The following RBMS3 variants were observed in gnomAD, a reference collection of about 807,000 sequenced individuals.
RBMS3 encodes RNA binding motif single stranded interacting protein 3, also known as RNA-binding motif, single-stranded-interacting protein 3.
A neutral mutation model predicts 66.8 loss-of-function variants in RBMS3; 27 were observed. The observed-to-expected ratio is 0.40, with a 90% CI of 0.30 to 0.56. The LOEUF (loss-of-function observed/expected upper bound fraction) is 0.56, where lower values mean the gene tolerates loss of function less well. Ranked by LOEUF, RBMS3 falls within the 20% of genes least tolerant of loss-of-function variation. The pLI, the probability that RBMS3 is intolerant of heterozygous loss-of-function variation, is 0.40. For synonymous variants in RBMS3, 188 were observed against 183.0 expected, an observed-to-expected ratio of 1.03 and a Z score of -0.22; for missense variants, 513 against 549.5, an observed-to-expected ratio of 0.93 and a Z score of 0.66.
intron 4 of RBMS3, among the ~76,000 whole-genome samples, chr3:29,738,205 T>C (rs2054466446): frequency 6.6e-6 from 1 of 152,174 alleles, no homozygotes; most frequent in African/African-American, 2.4e-5. Flanking sequence ...TTGTTTATTG[T>C]TTTTAAAACC....
At chr3:29,808,062 G>A (rs1041239621) in intron 6 of RBMS3, among the ~76,000 whole-genome samples, 2 of 151,860 alleles carry the variant, frequency 1.3e-5, no homozygotes, top group Non-Finnish European at 2.9e-5. Flanking sequence ...CAGGTTTACT[G>A]TAGTAATCCA....
intron 14 of RBMS3, among the ~76,000 whole-genome samples, chr3:29,997,053 C>G (rs1309313335): frequency 6.6e-6 from 1 of 151,498 alleles, no homozygotes; most frequent in Non-Finnish European, 1.5e-5. Flanking sequence ...AGAGAAGAAT[C>G]AAATAGACGC....
intron 10 of RBMS3, among the ~76,000 whole-genome samples, chr3:29,905,533 T>A (rs975823057): frequency 3.9e-5 from 6 of 152,088 alleles, no homozygotes; most frequent in Admixed American, 6.6e-5. Flanking sequence ...TTTATGCCAA[T>A]ATTTATCACA....
At chr3:29,550,236 T>C (rs1409041430) in intron 3 of RBMS3, among the ~76,000 whole-genome samples, 1 of 152,234 alleles carries the variant, frequency 6.6e-6, no homozygotes, top group Admixed American at 6.5e-5. Flanking sequence ...CAACACAAAG[T>C]TGTATCAGCA....
chr3:29,522,522 G>A (rs2044900505), intron 3 of RBMS3, among the ~76,000 whole-genome samples: 1 of 152,074 alleles, frequency 6.6e-6, no homozygotes, highest in East Asian at 1.9e-4. Flanking sequence ...GATAGTGGAA[G>A]GAAGTGGGGT....
At chr3:29,542,014 T>A (rs1021484202) in intron 3 of RBMS3, among the ~76,000 whole-genome samples, 1 of 152,128 alleles carries the variant, frequency 6.6e-6, no homozygotes, top group African/African-American at 2.4e-5. Flanking sequence ...CCCTTGAAAA[T>A]TATCACAAAT....
At chr3:29,690,832 G>A (rs1057277324) in intron 4 of RBMS3, among the ~76,000 whole-genome samples, 5 of 152,104 alleles carry the variant, frequency 3.3e-5, no homozygotes, top group African/African-American at 9.7e-5. Flanking sequence ...TTGGACTAGT[G>A]TTAATTTATC....
chr3:29,841,201 A>G (rs2058655730), intron 6 of RBMS3, among the ~76,000 whole-genome samples: 1 of 151,568 alleles, frequency 6.6e-6, no homozygotes, highest in Non-Finnish European at 1.5e-5. Context: ...ATTTTTATGT[A>G]TTGACCTGTT....
chr3:29,975,673 T>C (rs985461664), intron 12 of RBMS3, among the ~76,000 whole-genome samples: 1 of 151,992 alleles, frequency 6.6e-6, no homozygotes, highest in Non-Finnish European at 1.5e-5. Context: ...CTCTCTATTC[T>C]GTTCCATTAG....
intron 12 of RBMS3, among the ~76,000 whole-genome samples, chr3:29,984,938 A>G (rs192330758): frequency 1.4e-3 from 208 of 152,294 alleles, no homozygotes; most frequent in Non-Finnish European, 2.4e-3. Context: ...GTGCTGGAAG[A>G]TCTGCTGCTC....
At chr3:29,912,834 T>C (rs1412537095) in intron 10 of RBMS3, among the ~76,000 whole-genome samples, 3 of 152,032 alleles carry the variant, frequency 2.0e-5, no homozygotes, top group Non-Finnish European at 2.9e-5. Context: ...GTTATTAAAT[T>C]TATACCATCT....
At chr3:29,354,360 G>A (rs1252514118) in intron 1 of RBMS3, among the ~76,000 whole-genome samples, 1 of 152,040 alleles carries the variant, frequency 6.6e-6, no homozygotes, top group African/African-American at 2.4e-5. Context: ...CATTTATGAT[G>A]CAAAAATTAA....
At chr3:29,647,880 C>T (rs960809816) in intron 4 of RBMS3, among the ~76,000 whole-genome samples, 5 of 152,076 alleles carry the variant, frequency 3.3e-5, no homozygotes, top group Admixed American at 1.3e-4. Flanking sequence ...TGTCCAATCT[C>T]AATTATAAAG....
intron 6 of RBMS3, among the ~76,000 whole-genome samples, chr3:29,843,786 T>G (rs747751157): frequency 6.6e-6 from 1 of 152,018 alleles, no homozygotes; most frequent in Non-Finnish European, 1.5e-5. Flanking sequence ...CCATCTCTAC[T>G]AAAAATACAA....
chr3:29,294,867 T>A (rs1015620191), intron 1 of RBMS3, among the ~76,000 whole-genome samples: 1 of 151,700 alleles, frequency 6.6e-6, no homozygotes, highest in Non-Finnish European at 1.5e-5. Context: ...AGTCCAGGAG[T>A]AACCAGCCAT....
At position 29,833,709 on chromosome 3, in the gene RBMS3, C is replaced by T. The variant is rs144037830; in HGVS notation, c.638-35149C>T. 7.4e-3 allele frequency among the ~76,000 whole-genome samples: 1,121 copies of T among 152,010 alleles called. 8 individuals are homozygous for T. The highest frequency in any genetic ancestry group is 0.035 in the South Asian group (171 of 4,822). ...TATGGAACAATATCAAGAAAGCAAA[C>T]GGTCACTGTATGGGAGCTCCAGAAG... On this transcript the variant is annotated intron_variant, in intron 6 of 14. Coordinates refer to ENST00000383767, the MANE Select transcript of RBMS3 (RefSeq NM_001003793.3).
chr3:29,398,805 T>A (rs1276502867), intron 1 of RBMS3, among the ~76,000 whole-genome samples: 1 of 147,500 alleles, frequency 6.8e-6, no homozygotes, highest in Non-Finnish European at 1.5e-5. Flanking sequence ...CCTCAACCAG[T>A]CTATTTTTAT....
At chr3:29,992,639 A>G (rs1206529669) in intron 14 of RBMS3, among the ~76,000 whole-genome samples, 1 of 152,126 alleles carries the variant, frequency 6.6e-6, no homozygotes, top group Admixed American at 6.6e-5. Flanking sequence ...TTATTGCAAT[A>G]GGGGAAGAGA....
At chr3:29,935,949 T>C (rs2371905) in intron 10 of RBMS3, 137 bp from the exon 11 acceptor site, 17,371 of 664,204 alleles carry the variant, frequency 0.026, 554 homozygotes, top group East Asian at 0.12. Flanking sequence ...AAAAATTATA[T>C]ACAGTTGAAT....
Sources: gnomAD v4.1 joint callset for allele counts (sites outside exome capture counted in the v4.1 genomes callset) on GRCh38, gnomAD v4.1.1 for gene constraint, MANE v1.5 for transcripts, NCBI Gene and HGNC (gene_info 2026-07-23, HGNC 2026-07-21) for gene names.